FBXL20: variants seen among roughly 807,000 people sequenced by gnomAD.
FBXL20 encodes the protein F-box/LRR-repeat protein 20.
A neutral mutation model predicts 64.0 loss-of-function variants in FBXL20; 11 were observed. The ratio of observed to expected loss-of-function variants is 0.17; its 90% CI spans 0.11 to 0.28. The LOEUF (loss-of-function observed/expected upper bound fraction) is 0.28, where lower values mean the gene tolerates loss of function less well. FBXL20 is among the 10% of genes least tolerant of loss of function. The pLI is 1.00. For missense variants in FBXL20, 303 were observed against 526.2 expected (o/e 0.58, Z 4.15); for synonymous variants, 184 against 189.0 (o/e 0.97, Z 0.22).
intron 11 of FBXL20, among the ~76,000 whole-genome samples, chr17:39,269,539 C>A (rs1214160623): frequency 7.3e-6 from 1 of 136,994 alleles, no homozygotes; most frequent in African/African-American, 2.8e-5. Context: ...TCGCTCGTTG[C>A]CCAGACTGGA....
rs771869098 is a variant in FBXL20 at position 39,270,781 on chromosome 17, A to G, written c.888+15T>C. 5 of 1,599,524 alleles carry G rather than the reference A, an allele frequency of 3.1e-6. No homozygotes were observed. In the South Asian group the frequency reaches 3.4e-5, roughly 11 times the overall value. Reference sequence around the variant, plus strand: ...CTATGGAAACAAACCTATGGAACCTAAAGAAAATACTTACCCTGGCTAGAG... The same window carrying G: ...CTATGGAAACAAACCTATGGAACCTGAAGAAAATACTTACCCTGGCTAGAG... On this transcript the variant is annotated intron_variant, in intron 11 of 14. Coordinates refer to ENST00000264658, the MANE Select transcript of FBXL20 (RefSeq NM_032875.3).
intron 6 of FBXL20, among the ~76,000 whole-genome samples, chr17:39,292,097 G>T (rs971718590): frequency 1.3e-5 from 2 of 150,514 alleles, no homozygotes. Flanking sequence ...GATGCTTTTT[G>T]GTGTAGCAAT....
intron 1 of FBXL20, among the ~76,000 whole-genome samples, chr17:39,393,222 G>C (rs900918760): frequency 6.6e-6 from 1 of 152,070 alleles, no homozygotes; most frequent in African/African-American, 2.4e-5. Context: ...CCAGGAGGCA[G>C]AGGTTGCAGT....
intron 1 of FBXL20, among the ~76,000 whole-genome samples, chr17:39,366,874 T>A (rs2047864891): frequency 6.9e-6 from 1 of 145,634 alleles, no homozygotes. Context: ...GTTATTATTC[T>A]ATCAGTCCTT....
intron 2 of FBXL20, among the ~76,000 whole-genome samples, chr17:39,340,215 G>C (rs2144564689): frequency 6.6e-6 from 1 of 152,320 alleles, no homozygotes; most frequent in African/African-American, 2.4e-5. Context: ...TCCTGCCTCA[G>C]CCTCCCGAGT....
In FBXL20 at chr17:39,301,025, T is replaced by C. The variant is rs768394065; in HGVS notation, c.210A>G (p.Leu70=). Residue 70 remains leucine, a synonymous_variant, in exon 4 of 15, where the codon CTA becomes CTG. Coordinates refer to ENST00000264658, the MANE Select transcript of FBXL20 (RefSeq NM_032875.3). The part of the protein sequence containing the change: ...LDGSNWQRID[L]FDFQRDIEGR... Reference sequence around the variant, plus strand: ...CCTCAATATCCCTCTGGAAATCAAATAGGTCAATTCGCTGCCAGTTACTGC... The same window carrying C: ...CCTCAATATCCCTCTGGAAATCAAACAGGTCAATTCGCTGCCAGTTACTGC... The C allele has an allele frequency of 1.2e-6, 2 of 1,613,738 alleles. No homozygotes were observed. Among genetic ancestry groups the C allele is most frequent in the African/African-American group, 1.3e-5 (1 of 74,854 alleles).
In FBXL20 at chr17:39,401,506, G is replaced by A. The variant is rs1279920244; in HGVS notation, c.-104C>T. The A allele has an allele frequency of 1.3e-6, 2 of 1,495,284 alleles. No homozygotes were observed. The highest frequency in any genetic ancestry group is 1.8e-6 in the Non-Finnish European group (2 of 1,130,018). 92.6% of individuals were successfully genotyped at this position (1,495,284 alleles called of 1,614,324 possible). A position where few individuals can be genotyped will look rare whatever the true frequency, so the allele number is the denominator to read the frequency against. The stretch of plus-strand genomic sequence containing the variant: ...GTTCCGGGACGGGGACTGGGCGCCG[G>A]AGGGGTGACGCCGGGACCGTGGGAC... On this transcript the variant is annotated 5_prime_UTR_variant, in exon 1 of 15. Transcript: ENST00000264658.
At chr17:39,345,224 A>G (rs548139160) in intron 1 of FBXL20, among the ~76,000 whole-genome samples, 55 of 152,264 alleles carry the variant, frequency 3.6e-4, no homozygotes, top group African/African-American at 1.2e-3. Flanking sequence ...TCTATCCTTA[A>G]GGAGCTCTTG....
intron 2 of FBXL20, among the ~76,000 whole-genome samples, chr17:39,336,010 C>T (rs2047518172): frequency 6.6e-6 from 1 of 151,972 alleles, no homozygotes; most frequent in South Asian, 2.1e-4. Context: ...GTCCCAGCTA[C>T]TCAGGAGCTG....
intron 6 of FBXL20, among the ~76,000 whole-genome samples, chr17:39,294,702 G>A (rs1473475985): frequency 6.6e-6 from 1 of 152,176 alleles, no homozygotes; most frequent in Non-Finnish European, 1.5e-5. Context: ...ATTGTTTTTA[G>A]AGGAGTGATA....
chr17:39,268,743 G>T, intron 12 of FBXL20, 84 bp downstream of exon 12: 1 of 1,185,572 alleles, frequency 8.4e-7, no homozygotes. Context: ...TCCTACACTA[G>T]GGTAGGGAAT....
At chr17:39,375,075 G>A (rs538513242) in intron 1 of FBXL20, among the ~76,000 whole-genome samples, 21 of 152,084 alleles carry the variant, frequency 1.4e-4, no homozygotes, top group African/African-American at 4.8e-4. Context: ...GTGAGCCACC[G>A]CACCCAGCTG....
intron 1 of FBXL20, among the ~76,000 whole-genome samples, chr17:39,354,491 T>C (rs1317859329): frequency 6.6e-6 from 1 of 152,330 alleles, no homozygotes; most frequent in Middle Eastern, 3.4e-3. Context: ...CCTACGTTGG[T>C]GTTACCAGAC....
rs755511675 is a variant in FBXL20 at position 39,401,376 on chromosome 17, G to C, written c.27C>G (p.Thr9=). 21 of 1,612,610 alleles carry C rather than the reference G, an allele frequency of 1.3e-5. No individual in the cohort carries two copies. In the East Asian group the frequency reaches 4.5e-4, roughly 34 times the overall value. ...AAGCTCACACCTCAAACCTGCTCTT[G>C]GTCACTCCGTTCACGTCCCTCCTCA... MRRDVNGV[T]KSRFEMFSNS... is the part of the protein sequence containing the mutation. Residue 9 remains threonine (T), a synonymous_variant, in exon 1 of 15, where the codon ACC becomes ACG. Coordinates refer to ENST00000264658, the MANE Select transcript of FBXL20 (RefSeq NM_032875.3).
chr17:39,359,279 T>C (rs1597818420), intron 1 of FBXL20, among the ~76,000 whole-genome samples: 1 of 152,130 alleles, frequency 6.6e-6, no homozygotes, highest in Non-Finnish European at 1.5e-5. Context: ...GAAGTTGCAG[T>C]GAGCCAGGAT....
chr17:39,328,248 C>CAAAAAAAA (rs141259755), intron 2 of FBXL20, among the ~76,000 whole-genome samples: 1 of 55,092 alleles, frequency 1.8e-5, no homozygotes, highest in African/African-American at 1.0e-4. Flanking sequence ...AACTCTGCCT[C>CAAAAAAAA]AAAAAAAAAA....
At chr17:39,384,818 C>T (rs948856962) in intron 1 of FBXL20, among the ~76,000 whole-genome samples, 10 of 151,562 alleles carry the variant, frequency 6.6e-5, no homozygotes, top group East Asian at 2.0e-4. Flanking sequence ...ATTAGCTGGG[C>T]GTGGTGGTGT....
chr17:39,381,941 CA>C (rs1344931931), intron 1 of FBXL20, among the ~76,000 whole-genome samples: 1 of 147,476 alleles, frequency 6.8e-6, no homozygotes, highest in African/African-American at 2.5e-5. Flanking sequence ...CTAAAAATAC[CA>C]AATTAGCTGG....
intron 1 of FBXL20, among the ~76,000 whole-genome samples, chr17:39,368,791 G>A (rs1022161544): frequency 1.1e-4 from 16 of 152,086 alleles, no homozygotes; most frequent in Admixed American, 1.0e-3. Context: ...GAGTAGCTGG[G>A]ACTACAGGTG....
Sources: gnomAD v4.1 joint callset for allele counts (sites outside exome capture counted in the v4.1 genomes callset) on GRCh38, gnomAD v4.1.1 for gene constraint, MANE v1.5 for transcripts, NCBI Gene and HGNC (gene_info 2026-07-23, HGNC 2026-07-21) for gene names.